The following MARK3 variants were observed in gnomAD, a reference collection of about 807,000 sequenced individuals.
MARK3 encodes microtubule affinity regulating kinase 3.
A neutral mutation model predicts 90.1 loss-of-function variants in MARK3; 46 were observed. The observed-to-expected ratio is 0.51, with a 90% CI of 0.40 to 0.65. MARK3 has a LOEUF of 0.65. Among genes scored for constraint, MARK3 ranks in the 30% least tolerant of loss-of-function variants. MARK3 has a pLI of 0.00. For synonymous variants in MARK3, 321 were observed against 332.6 expected (o/e 0.97, Z 0.38); for missense variants, 818 against 947.2 (o/e 0.86, Z 1.79).
In MARK3 at chr14:103,461,696, A is replaced by C. The variant is rs1003490907; in HGVS notation, c.484-709A>C. Among the ~76,000 whole-genome samples, 3 of 152,058 alleles carry C rather than the reference A, an allele frequency of 2.0e-5. No individual in the cohort carries two copies. The South Asian group carries it at 6.2e-4, about 32-fold the overall frequency. On this transcript the variant is annotated intron_variant, in intron 6 of 17. Transcript: ENST00000429436. ...CTGGATTAACACCTGGGTATGGGCAACTCTCTAACCGCTGGTTTGGTTTGG... is the reference window on the plus strand; with the variant it reads ...CTGGATTAACACCTGGGTATGGGCACCTCTCTAACCGCTGGTTTGGTTTGG...
At chr14:103,463,849 C>G (rs1395919587) in intron 7 of MARK3, among the ~76,000 whole-genome samples, 1 of 152,186 alleles carries the variant, frequency 6.6e-6, no homozygotes, top group Admixed American at 6.5e-5. Flanking sequence ...CCAAACTTCT[C>G]AAGTACAATC....
intron 14 of MARK3, 149 bp from the exon 15 acceptor site, chr14:103,491,628 A>T: frequency 1.4e-6 from 1 of 720,782 alleles, no homozygotes; most frequent in African/African-American, 1.8e-5. Context: ...TTTCCCACTT[A>T]ACTTACCTTT....
intron 5 of MARK3, among the ~76,000 whole-genome samples, chr14:103,456,812 C>T (rs573557253): frequency 6.6e-6 from 1 of 152,344 alleles, no homozygotes; most frequent in African/African-American, 2.4e-5. Flanking sequence ...AGGATGTCCT[C>T]TTCTAACACA....
In MARK3 at chr14:103,467,068, C is replaced by T. The variant is rs1484319680; in HGVS notation, c.998-11C>T. ...ACAAAACACATAAACTGTATTATGC[C>T]CTTCTTTTAGATATTATGGTGGGAA... On this transcript the variant is annotated splice_polypyrimidine_tract_variant and intron_variant, in intron 10 of 17. Transcript: ENST00000429436. The T allele has an allele frequency of 2.4e-6, 3 of 1,258,410 alleles. No homozygotes were observed. The highest frequency in any genetic ancestry group is 2.3e-6 in the Non-Finnish European group (2 of 871,364). 78.0% of individuals were successfully genotyped at this position (1,258,410 alleles called of 1,614,324 possible).
intron 14 of MARK3, among the ~76,000 whole-genome samples, chr14:103,481,250 A>G (rs1287811086): frequency 2.0e-5 from 3 of 152,236 alleles, no homozygotes; most frequent in Non-Finnish European, 4.4e-5. Context: ...TATTCTGTTC[A>G]GAACAAATTT....
At chr14:103,434,509 A>G (rs2092668376) in intron 3 of MARK3, among the ~76,000 whole-genome samples, 1 of 152,224 alleles carries the variant, frequency 6.6e-6, no homozygotes, top group South Asian at 2.1e-4. Flanking sequence ...AAGTCTTGTT[A>G]TTATGACAGT....
chr14:103,400,973 GTGTGTGTGTA>G lies in MARK3; in HGVS notation c.52-4100_52-4091del, dbSNP rs1294519437. Among the ~76,000 whole-genome samples the G allele has an allele frequency of 3.9e-3, 579 of 148,088 alleles. 5 individuals are homozygous for G. Among genetic ancestry groups the G allele is most frequent in the African/African-American group, 0.014 (526 of 38,628 alleles). On this transcript the variant is annotated intron_variant, in intron 1 of 17. Coordinates refer to ENST00000429436, the MANE Select transcript of MARK3 (RefSeq NM_001128918.3). ...TGTGTGTGTGTGTGTGTGTGTGTGT[GTGTGTGTGTA>G]TGCAGGTTGTTTATTGGCTCCTTAG...
intron 13 of MARK3, among the ~76,000 whole-genome samples, chr14:103,479,940 G>A (rs868854489): frequency 2.0e-5 from 3 of 152,012 alleles, no homozygotes; most frequent in Non-Finnish European, 2.9e-5. Flanking sequence ...GCGCCCAGCC[G>A]TTGTATAGCT....
chr14:103,401,147 G>A (rs2090943682), intron 1 of MARK3, among the ~76,000 whole-genome samples: 1 of 151,906 alleles, frequency 6.6e-6, no homozygotes, highest in Non-Finnish European at 1.5e-5. Flanking sequence ...ATGGATTCTT[G>A]GGAAAATAAA....
intron 1 of MARK3, among the ~76,000 whole-genome samples, chr14:103,391,883 A>G (rs2090276303): frequency 6.6e-6 from 1 of 152,000 alleles, no homozygotes. Flanking sequence ...AAGGCAACCA[A>G]ACAGTTTGCA....
At chr14:103,386,333 G>A (rs1473402122) in intron 1 of MARK3, 2 of 694,722 alleles carry the variant, frequency 2.9e-6, no homozygotes, top group Admixed American at 2.0e-5. Flanking sequence ...AGGAGTTGCA[G>A]CGTTACGGAT....
At chr14:103,464,445 C>T (rs1292263631) in intron 7 of MARK3, among the ~76,000 whole-genome samples, 1 of 150,872 alleles carries the variant, frequency 6.6e-6, no homozygotes, top group African/African-American at 2.4e-5. Flanking sequence ...ATTACAGGCG[C>T]CCACCACCAT....
chr14:103,495,392 A>T (rs950533450), intron 15 of MARK3, among the ~76,000 whole-genome samples: 4 of 151,808 alleles, frequency 2.6e-5, no homozygotes, highest in African/African-American at 9.7e-5. Context: ...AGGCAAGAGG[A>T]TGGCTTGAAC....
chr14:103,432,601 A>G (rs2092613962), intron 3 of MARK3, among the ~76,000 whole-genome samples: 1 of 152,184 alleles, frequency 6.6e-6, no homozygotes, highest in Admixed American at 6.5e-5. Flanking sequence ...CTGTAATCCC[A>G]GCACTTGGGG....
chr14:103,438,295 G>A (rs1054995106), intron 3 of MARK3, among the ~76,000 whole-genome samples: 1 of 152,192 alleles, frequency 6.6e-6, no homozygotes, highest in Non-Finnish European at 1.5e-5. Flanking sequence ...GAGCCACCAC[G>A]CCAGGCCGAA....
At chr14:103,454,257 T>C (rs2093224544) in intron 5 of MARK3, among the ~76,000 whole-genome samples, 1 of 152,000 alleles carries the variant, frequency 6.6e-6, no homozygotes, top group Admixed American at 6.6e-5. Context: ...TGGGTTTTTT[T>C]TTTTTTCTTT....
intron 7 of MARK3, among the ~76,000 whole-genome samples, chr14:103,462,714 C>A (rs1361545292): frequency 6.6e-6 from 1 of 152,146 alleles, no homozygotes; most frequent in Admixed American, 6.5e-5. Flanking sequence ...CACAGCCAAA[C>A]AAATGTGGGC....
chr14:103,500,006 A>G (rs745711419), intron 16 of MARK3, 150 bp from the exon 17 acceptor site: 187 of 681,444 alleles, frequency 2.7e-4, no homozygotes, highest in Non-Finnish European at 4.6e-4. Flanking sequence ...AATGAGAGGA[A>G]GAGTTTTCAT....
intron 1 of MARK3, among the ~76,000 whole-genome samples, chr14:103,395,137 G>A (rs1338591585): frequency 1.3e-5 from 2 of 152,138 alleles, no homozygotes; most frequent in East Asian, 3.8e-4. Flanking sequence ...GGGCTTGAAA[G>A]TGGAAGACAA....
Sources: gnomAD v4.1 joint callset for allele counts (sites outside exome capture counted in the v4.1 genomes callset) on GRCh38, gnomAD v4.1.1 for gene constraint, MANE v1.5 for transcripts, NCBI Gene and HGNC (gene_info 2026-07-23, HGNC 2026-07-21) for gene names.